The following EXOC4 variants were observed in gnomAD, a reference collection of about 807,000 sequenced individuals.
EXOC4 encodes the protein exocyst complex component 4, also known as SEC8-like 1.
Under a neutral mutation model 107.2 loss-of-function variants are expected in EXOC4, and 71 were observed. The ratio of observed to expected loss-of-function variants is 0.66; its 90% CI spans 0.55 to 0.81. The LOEUF is 0.81. Ranked by LOEUF, EXOC4 falls within the 30% of genes least tolerant of loss-of-function variation. EXOC4 has a pLI of 0.00. For synonymous variants in EXOC4, 456 were observed against 441.2 expected, an observed-to-expected ratio of 1.03 and a Z score of -0.42; for missense variants, 1,108 against 1,189.6, an observed-to-expected ratio of 0.93 and a Z score of 1.01.
rs114513003 is a variant in EXOC4 at position 133,328,099 on chromosome 7, A to G, written c.763+10709A>G. Among the ~76,000 whole-genome samples the G allele has an allele frequency of 6.0e-3, 907 of 152,302 alleles. 11 individuals carry two copies. Among genetic ancestry groups the G allele is most frequent in the African/African-American group, 0.021 (856 of 41,558 alleles). ...AAGTCTCTTCCTAAGAACTTGCTTT[A>G]TGAATCTGAGTGCTTCTGTATTGGG... On this transcript the variant is annotated intron_variant, in intron 5 of 17. Coordinates refer to ENST00000253861, the MANE Select transcript of EXOC4 (RefSeq NM_021807.4).
chr7:133,883,478 C>G (rs1354494223), intron 11 of EXOC4, among the ~76,000 whole-genome samples: 1 of 128,300 alleles, frequency 7.8e-6, no homozygotes, highest in Non-Finnish European at 1.7e-5. Flanking sequence ...CCATCTCTAC[C>G]AAAAAAAAAA....
intron 10 of EXOC4, among the ~76,000 whole-genome samples, chr7:133,645,090 T>C (rs1001825869): frequency 2.5e-4 from 13 of 51,186 alleles, no homozygotes; most frequent in Non-Finnish European, 4.3e-4. Context: ...TGCCACCTTT[T>C]TTTTTTTTTT....
chr7:133,453,536 A>G (rs191524712), intron 7 of EXOC4, among the ~76,000 whole-genome samples: 7 of 152,314 alleles, frequency 4.6e-5, no homozygotes, highest in Admixed American at 1.3e-4. Flanking sequence ...TTTAATTAGT[A>G]ATTAACTTTC....
chr7:133,432,683 A>G (rs894004951), intron 7 of EXOC4, among the ~76,000 whole-genome samples: 11 of 152,174 alleles, frequency 7.2e-5, no homozygotes, highest in Non-Finnish European at 1.5e-4. Context: ...GCTGCTGTAA[A>G]TCTGTTTGTC....
At chr7:133,808,885 G>C (rs1328764044) in intron 10 of EXOC4, among the ~76,000 whole-genome samples, 1 of 152,090 alleles carries the variant, frequency 6.6e-6, no homozygotes, top group Non-Finnish European at 1.5e-5. Flanking sequence ...GCAGGACTCT[G>C]TTATTAGTGC....
intron 10 of EXOC4, among the ~76,000 whole-genome samples, chr7:133,638,104 CACTTT>C (rs1802757517): frequency 6.6e-6 from 1 of 152,068 alleles, no homozygotes; most frequent in Non-Finnish European, 1.5e-5. Flanking sequence ...ATAAAGAGAT[CACTTT>C]ATATAGAAAT....
intron 7 of EXOC4, among the ~76,000 whole-genome samples, chr7:133,423,299 GAGAATTCTTCTAGAGATTAATTCT>G (rs930247766): frequency 6.6e-6 from 1 of 152,122 alleles, no homozygotes; most frequent in African/African-American, 2.4e-5. Flanking sequence ...GTTTCTTTGT[GAGAATTCTTCTAGAGATTAATTCT>G]AGAATTCTTC....
chr7:133,940,014 G>A (rs1328344724), intron 14 of EXOC4, among the ~76,000 whole-genome samples: 2 of 152,170 alleles, frequency 1.3e-5, no homozygotes, highest in Non-Finnish European at 2.9e-5. Flanking sequence ...TCTTTGACTT[G>A]CAAATGCAGA....
intron 14 of EXOC4, among the ~76,000 whole-genome samples, chr7:133,948,091 G>A (rs537382137): frequency 3.9e-5 from 6 of 152,214 alleles, no homozygotes; most frequent in Non-Finnish European, 7.3e-5. Flanking sequence ...GCAGCAGAGT[G>A]ACTTGAACAA....
rs762481806 is a variant in EXOC4 at position 133,253,233 on chromosome 7, C to T, written c.86+46C>T. On this transcript the variant is annotated intron_variant, in intron 1 of 17. Coordinates refer to ENST00000253861, the MANE Select transcript of EXOC4 (RefSeq NM_021807.4). The stretch of plus-strand genomic sequence containing the variant: ...GGTCTGGGGACTGGGGGCAGCGGCT[C>T]GACCTCCGCTTTGGAAGGGAGAAGG... The T allele has an allele frequency of 5.0e-6, 8 of 1,593,094 alleles. No individual in the cohort carries two copies. The Admixed American group carries it at 8.5e-5, about 17-fold the overall frequency.
intron 17 of EXOC4, among the ~76,000 whole-genome samples, chr7:134,051,530 G>A (rs1795787213): frequency 6.6e-6 from 1 of 152,042 alleles, no homozygotes; most frequent in African/African-American, 2.4e-5. Flanking sequence ...AAATTAGCTG[G>A]GTGTGGTGGC....
In EXOC4 at chr7:133,562,101, A is replaced by G. The variant is rs1171986598; in HGVS notation, c.1418-67944A>G. Among the ~76,000 whole-genome samples, 6 of 152,216 alleles carry G rather than the reference A, an allele frequency of 3.9e-5. 1 individual carries two copies. The highest frequency in any genetic ancestry group is 4.1e-4 in the South Asian group (2 of 4,824). ...CCAGTGGGGAAATTGGTTTTGTGGT[A>G]CATCATTTTGCTTAAAGTTGAAGTT... On this transcript the variant is annotated intron_variant, in intron 9 of 17. Coordinates refer to ENST00000253861, the MANE Select transcript of EXOC4 (RefSeq NM_021807.4).
intron 10 of EXOC4, among the ~76,000 whole-genome samples, chr7:133,648,703 C>T (rs995275825): frequency 7.0e-4 from 106 of 152,020 alleles, no homozygotes; most frequent in African/African-American, 2.5e-3. Context: ...TGGAAAAGGT[C>T]GAATAAAGGA....
At chr7:133,558,302 C>CTG (rs1043117878) in intron 9 of EXOC4, among the ~76,000 whole-genome samples, 1 of 145,156 alleles carries the variant, frequency 6.9e-6, no homozygotes, top group African/African-American at 2.6e-5. Context: ...AATGTAAATC[C>CTG]TGTGAAATAT....
the EXOC4 span, among the ~76,000 whole-genome samples, chr7:134,088,900 A>C: frequency 4.6e-3 from 707 of 152,288 alleles, 4 homozygotes; most frequent in Non-Finnish European, 7.1e-3. Context: ...TGACTTTACT[A>C]TACCAAATAA....
At position 133,373,946 on chromosome 7, in the gene EXOC4, C is replaced by T. The variant is rs940767590; in HGVS notation, c.1008-882C>T. Among the ~76,000 whole-genome samples, 6 of 152,140 alleles carry T rather than the reference C, an allele frequency of 3.9e-5. No homozygotes were observed. The East Asian group carries it at 1.2e-3, about 29-fold the overall frequency. ...TTTATTGAGCAGCATATGTGAGGCT[C>T]ATGTGATAAGTTCCTTAAAAGCAGA... On this transcript the variant is annotated intron_variant, in intron 6 of 17. Transcript: ENST00000253861.
chr7:133,347,402 C>A (rs1245433803), intron 5 of EXOC4, among the ~76,000 whole-genome samples: 7 of 152,040 alleles, frequency 4.6e-5, no homozygotes, highest in Non-Finnish European at 1.0e-4. Context: ...TGCCACCACA[C>A]CCAGCTAATT....
chr7:133,577,474 G>A (rs1459314327), intron 9 of EXOC4, among the ~76,000 whole-genome samples: 6 of 152,076 alleles, frequency 3.9e-5, no homozygotes, highest in African/African-American at 1.2e-4. Context: ...CTCTTAAATA[G>A]CATCTAATGT....
intron 6 of EXOC4, among the ~76,000 whole-genome samples, chr7:133,357,557 A>G (rs968563288): frequency 1.3e-5 from 2 of 152,226 alleles, no homozygotes; most frequent in African/African-American, 4.8e-5. Context: ...TCATATACTA[A>G]CAGATCATGT....
Sources: allele counts gnomAD v4.1 joint callset (sites outside exome capture counted in the v4.1 genomes callset), GRCh38; gene constraint gnomAD v4.1.1; transcripts MANE v1.5; gene names NCBI Gene and HGNC (gene_info 2026-07-23, HGNC 2026-07-21).